WBP1L: variants seen among roughly 807,000 people sequenced by gnomAD.
The protein encoded by WBP1L is WW domain binding protein 1 like, also known as WW domain binding protein 1-like.
WBP1L carries 17 observed loss-of-function variants against 33.7 expected under a neutral mutation model. That is an observed-to-expected ratio of 0.50 (90% CI 0.34 to 0.76). The LOEUF (loss-of-function observed/expected upper bound fraction) is 0.76, where lower values mean the gene tolerates loss of function less well. WBP1L is among the 30% of genes least tolerant of loss of function. The probability of loss-of-function intolerance (pLI) is 0.01; values close to 1 mark genes in which losing one functional copy is unlikely to be tolerated. For synonymous variants in WBP1L, 173 were observed against 190.8 expected, an observed-to-expected ratio of 0.91 and a Z score of 0.77; for missense variants, 389 against 469.4, an observed-to-expected ratio of 0.83 and a Z score of 1.58.
chr10:102,795,401 G>A (rs1843560549), intron 1 of WBP1L, among the ~76,000 whole-genome samples: 2 of 152,208 alleles, frequency 1.3e-5, no homozygotes, highest in African/African-American at 4.8e-5. Flanking sequence ...GAGGAACACT[G>A]GATTAAATGA....
chr10:102,796,043 T>C (rs555138959), intron 1 of WBP1L, among the ~76,000 whole-genome samples: 1 of 152,118 alleles, frequency 6.6e-6, no homozygotes, highest in Non-Finnish European at 1.5e-5. Flanking sequence ...AACTTAATGG[T>C]TTTTCAGCTA....
intron 1 of WBP1L, among the ~76,000 whole-genome samples, chr10:102,797,333 T>C (rs1843586205): frequency 6.6e-6 from 1 of 152,188 alleles, no homozygotes; most frequent in Admixed American, 6.5e-5. Flanking sequence ...TACCAGGGAA[T>C]CATCACCCTC....
chr10:102,753,422 C>T (rs1333550282), intron 1 of WBP1L, among the ~76,000 whole-genome samples: 1 of 152,152 alleles, frequency 6.6e-6, no homozygotes, highest in Non-Finnish European at 1.5e-5. Flanking sequence ...ACATTGCAAC[C>T]TGGGAGGTCA....
intron 1 of WBP1L, among the ~76,000 whole-genome samples, chr10:102,783,638 ATAGGGGAT>A (rs1843368884): frequency 6.6e-6 from 1 of 152,214 alleles, no homozygotes; most frequent in Non-Finnish European, 1.5e-5. Context: ...CCCTTCCCCC[ATAGGGGAT>A]ATTTGGCAGT....
Position 102,772,257 on chromosome 10 carries a change from C to CTTTTT in WBP1L, c.91-25717_91-25713dup, listed in dbSNP as rs34766191. 8.2e-4 allele frequency among the ~76,000 whole-genome samples: 50 copies of CTTTTT among 61,028 alleles called. 1 individual carries two copies. Among genetic ancestry groups the CTTTTT allele is most frequent in the Non-Finnish European group, 1.1e-3 (39 of 35,130 alleles). The allele number at this position is 61,028 out of a possible 152,430, so 40.0% of individuals were successfully genotyped here. On this transcript the variant is annotated intron_variant, in intron 1 of 3. Coordinates refer to ENST00000448841, the MANE Select transcript of WBP1L (RefSeq NM_001083913.2). ...ACAAGCGTAAGCCACTGCGCCCGGC[C>CTTTTT]TTTTTTTTTTTTTTTTTTTTTTTGA...
rs111455154 is a variant in WBP1L, at chr10:102,750,376, T to C, written c.90+6233T>C. On this transcript the variant is annotated intron_variant, in intron 1 of 3. Transcript: ENST00000448841. ...CGCCACTGCACTCCAGTCTGGGCGA[T>C]AGAGTGAGACCCTGTCTCAAAAAAA... is the stretch of plus-strand genomic sequence containing the variant. Among the ~76,000 whole-genome samples the C allele has an allele frequency of 2.7e-3, 405 of 151,536 alleles. 1 individual carries two copies. The highest frequency in any genetic ancestry group is 8.9e-3 in the African/African-American group (369 of 41,380).
chr10:102,757,664 C>G (rs1842992991), intron 1 of WBP1L, among the ~76,000 whole-genome samples: 3 of 145,218 alleles, frequency 2.1e-5, no homozygotes, highest in Admixed American at 7.1e-5. Flanking sequence ...GGCAGCCTGA[C>G]CTCCTGAGTT....
rs143565698 is a variant in WBP1L at position 102,804,419 on chromosome 10, TAAAAA to T, written c.194-5468_194-5464del. 4.8e-3 allele frequency among the ~76,000 whole-genome samples: 665 copies of T among 138,124 alleles called. 3 individuals carry two copies. Among genetic ancestry groups the T allele is most frequent in the Admixed American group, 6.8e-3 (90 of 13,286 alleles). The allele number at this position is 138,124 out of a possible 152,430, so 90.6% of individuals were successfully genotyped here. A position where few individuals can be genotyped will look rare whatever the true frequency, so the allele number is the denominator to read the frequency against. ...AAAAAAAAAAAAGCCCTTTTTTTTTTAAAAAAAAAATTATACTTCTGGTTCAGTGA... is the reference window on the plus strand; with the variant it reads ...AAAAAAAAAAAAGCCCTTTTTTTTTTAAAAATTATACTTCTGGTTCAGTGA... On this transcript the variant is annotated intron_variant, in intron 2 of 3. Transcript: ENST00000448841.
At chr10:102,771,348 G>A (rs1159544880) in intron 1 of WBP1L, among the ~76,000 whole-genome samples, 2 of 152,008 alleles carry the variant, frequency 1.3e-5, no homozygotes, top group Admixed American at 6.6e-5. Flanking sequence ...CTTGAGGCCA[G>A]GGATTCGAGA....
chr10:102,789,929 G>C (rs971403494), intron 1 of WBP1L, among the ~76,000 whole-genome samples: 2 of 151,800 alleles, frequency 1.3e-5, no homozygotes, highest in Non-Finnish European at 2.9e-5. Flanking sequence ...TAGTAGAGAT[G>C]GGGTTTCACA....
chr10:102,811,541 C>T (rs1039451315), intron 3 of WBP1L, among the ~76,000 whole-genome samples: 5 of 152,144 alleles, frequency 3.3e-5, no homozygotes, highest in African/African-American at 4.8e-5. Flanking sequence ...GACAGAATCT[C>T]GCTCTGTCAC....
chr10:102,784,277 A>G (rs1415872360), intron 1 of WBP1L, among the ~76,000 whole-genome samples: 1 of 152,170 alleles, frequency 6.6e-6, no homozygotes, highest in East Asian at 1.9e-4. Context: ...ATTTCAAGCC[A>G]GGTACCTATT....
chr10:102,793,144 T>C (rs1247290809), intron 1 of WBP1L, among the ~76,000 whole-genome samples: 1 of 152,222 alleles, frequency 6.6e-6, no homozygotes, highest in Non-Finnish European at 1.5e-5. Flanking sequence ...TGAAGATGCT[T>C]GGAAGAAAAG....
chr10:102,798,183 C>G, intron 2 of WBP1L, 88 bp downstream of exon 2: 1 of 1,160,518 alleles, frequency 8.6e-7, no homozygotes, highest in East Asian at 2.4e-5. Context: ...TAGCCCTTTT[C>G]GGATTCTCTT....
chr10:102,800,537 G>T (rs17115036), intron 2 of WBP1L, among the ~76,000 whole-genome samples: 3 of 152,210 alleles, frequency 2.0e-5, no homozygotes, highest in African/African-American at 7.2e-5. Flanking sequence ...AGCTACGGGC[G>T]TTTAGGAAAG....
intron 1 of WBP1L, among the ~76,000 whole-genome samples, chr10:102,772,558 C>CTTTTTTTT (rs34624231): frequency 4.6e-5 from 3 of 64,742 alleles, no homozygotes; most frequent in Admixed American, 2.0e-4. Flanking sequence ...ATGCCCGGCC[C>CTTTTTTTT]TTTTTTTTTT....
rs1159822844 is a variant in WBP1L, at chr10:102,815,181, TGTGTACTCGG to T, written c.*1859_*1868del. 1 of 152,648 alleles carries T rather than the reference TGTGTACTCGG, an allele frequency of 6.6e-6. No homozygotes were observed. The highest frequency in any genetic ancestry group is 1.5e-5 in the Non-Finnish European group (1 of 68,038). 9.5% of individuals were successfully genotyped at this position (152,648 alleles called of 1,614,324 possible). ...ACTGTTTACCGAACAAATGTCTGAC[TGTGTACTCGG>T]GTGTACTCCGCAGCATTGTCGACTG... On this transcript the variant is annotated 3_prime_UTR_variant, in exon 4 of 4. Coordinates refer to ENST00000448841, the MANE Select transcript of WBP1L (RefSeq NM_001083913.2).
chr10:102,776,012 T>C (rs981978188), intron 1 of WBP1L: 2 of 808,304 alleles, frequency 2.5e-6, no homozygotes, highest in South Asian at 5.6e-5. Context: ...GCTCTGGCTC[T>C]AGGTGGGTCC....
chr10:102,800,184 A>G (rs1011665436), intron 2 of WBP1L, among the ~76,000 whole-genome samples: 1 of 152,272 alleles, frequency 6.6e-6, no homozygotes, highest in African/African-American at 2.4e-5. Context: ...ACAGGGTTCA[A>G]ATTCTCCTTC....
Sources: allele counts gnomAD v4.1 joint callset (sites outside exome capture counted in the v4.1 genomes callset), GRCh38; gene constraint gnomAD v4.1.1; transcripts MANE v1.5; gene names NCBI Gene and HGNC (gene_info 2026-07-23, HGNC 2026-07-21).